Variants in DZIP3 observed in about 807,000 individuals in gnomAD.
DZIP3 encodes DAZ interacting zinc finger protein 3.
DZIP3 carries 118 observed loss-of-function variants against 162.0 expected under a neutral mutation model. The ratio of observed to expected loss-of-function variants is 0.73; its 90% CI spans 0.63 to 0.85. The LOEUF is 0.85. Among genes scored for constraint, DZIP3 ranks in the 40% least tolerant of loss-of-function variants. DZIP3 has a pLI of 0.00. For synonymous variants in DZIP3, 438 were observed against 458.6 expected (o/e 0.96, Z 0.57); for missense variants, 1,331 against 1,407.0 (o/e 0.95, Z 0.86).
chr3:108,677,425 A>G, intron 25 of DZIP3, 72 bp from the exon 26 acceptor site: 4 of 1,260,628 alleles, frequency 3.2e-6, no homozygotes, highest in South Asian at 1.2e-5. Context: ...TCAAAACTAC[A>G]TCAGATATTC....
intron 8 of DZIP3, among the ~76,000 whole-genome samples, chr3:108,631,841 T>G (rs1553705511): frequency 6.6e-6 from 1 of 151,832 alleles, no homozygotes; most frequent in Non-Finnish European, 1.5e-5. Context: ...TTTTCTGAAC[T>G]TGTGTTTTTT....
At chr3:108,594,152 A>G (rs936043170) in intron 1 of DZIP3, among the ~76,000 whole-genome samples, 1 of 152,038 alleles carries the variant, frequency 6.6e-6, no homozygotes, top group Non-Finnish European at 1.5e-5. Context: ...TTCTAATGTT[A>G]TCTATATTTT....
Position 108,606,213 on chromosome 3 carries a change from G to A in DZIP3, c.32+775G>A, listed in dbSNP as rs570942445. Among the ~76,000 whole-genome samples the A allele has an allele frequency of 2.0e-5, 3 of 152,280 alleles. No homozygotes were observed. The South Asian group carries it at 6.2e-4, about 32-fold the overall frequency. On this transcript the variant is annotated intron_variant, in intron 2 of 32. Coordinates refer to ENST00000361582, the MANE Select transcript of DZIP3 (RefSeq NM_014648.4). ...ATTTAAGCATGATGCAGAAGACCCTGCTGAGTGGTTCAGTGGGCCAAGGCC... is the reference window on the plus strand; with the variant it reads ...ATTTAAGCATGATGCAGAAGACCCTACTGAGTGGTTCAGTGGGCCAAGGCC...
chr3:108,607,862 C>T (rs1460298338), intron 2 of DZIP3, among the ~76,000 whole-genome samples: 1 of 152,120 alleles, frequency 6.6e-6, no homozygotes, highest in Non-Finnish European at 1.5e-5. Context: ...CAGTGTTTTT[C>T]ATAATTGGCT....
chr3:108,638,078 A>G (rs564681132), intron 12 of DZIP3, among the ~76,000 whole-genome samples: 33 of 152,244 alleles, frequency 2.2e-4, no homozygotes, highest in African/African-American at 7.0e-4. Flanking sequence ...TCTAGTAGGG[A>G]CATTGCATTG....
At position 108,675,837 on chromosome 3, in the gene DZIP3, T is replaced by A; in HGVS notation, c.2745T>A (p.Ile915=). The A allele has an allele frequency of 6.2e-7, 1 of 1,610,384 alleles. No homozygotes were observed. The highest frequency in any genetic ancestry group is 8.5e-7 in the Non-Finnish European group (1 of 1,178,040). ...LKAAVDSWNA[I]VADVRNKIAF... is the part of the protein sequence containing the mutation. ...CTGCGGTAGACAGTTGGAATGCCAT[T>A]GTGGCAGATGTTAGAAACAAGATTG... The change falls in exon 25 of 33, where the codon ATT becomes ATA. Residue 915 remains isoleucine, a synonymous_variant. Coordinates refer to ENST00000361582, the MANE Select transcript of DZIP3 (RefSeq NM_014648.4).
chr3:108,646,518 A>T, intron 14 of DZIP3, 99 bp from the exon 15 acceptor site: 1 of 833,634 alleles, frequency 1.2e-6, no homozygotes, highest in Non-Finnish European at 2.0e-6. Flanking sequence ...TTACAGAATA[A>T]ATTGGTGCAA....
At chr3:108,593,872 G>A (rs961948866) in intron 1 of DZIP3, among the ~76,000 whole-genome samples, 5 of 151,466 alleles carry the variant, frequency 3.3e-5, no homozygotes, top group South Asian at 2.1e-4. Context: ...ACCATGTTGC[G>A]CACGCTGGTC....
At chr3:108,682,189 G>A (rs565145882) in intron 26 of DZIP3, among the ~76,000 whole-genome samples, 4 of 151,022 alleles carry the variant, frequency 2.6e-5, no homozygotes, top group South Asian at 4.1e-4. Context: ...GTAAATTAGC[G>A]CAGCTATTAT....
intron 26 of DZIP3, among the ~76,000 whole-genome samples, chr3:108,681,953 A>G (rs1039958278): frequency 6.7e-6 from 1 of 150,332 alleles, no homozygotes; most frequent in African/African-American, 2.5e-5. Context: ...GGGGAGGGAT[A>G]GCATTAGGAG....
chr3:108,638,792 CT>C (rs1400177935), intron 12 of DZIP3, among the ~76,000 whole-genome samples: 3 of 152,196 alleles, frequency 2.0e-5, no homozygotes, highest in Non-Finnish European at 4.4e-5. Flanking sequence ...TAGGACTTTT[CT>C]AACAAAAATT....
intron 13 of DZIP3, among the ~76,000 whole-genome samples, chr3:108,643,960 TG>T (rs1386218406): frequency 6.6e-6 from 1 of 152,138 alleles, no homozygotes; most frequent in Non-Finnish European, 1.5e-5. Context: ...TACTTTTGCT[TG>T]GGAACATGTT....
intron 1 of DZIP3, among the ~76,000 whole-genome samples, chr3:108,593,337 A>G (rs1939529817): frequency 6.6e-6 from 1 of 152,140 alleles, no homozygotes; most frequent in Non-Finnish European, 1.5e-5. Context: ...AGGGGAAGTA[A>G]TTTGCCCAAG....
At chr3:108,594,422 C>G (rs963361458) in intron 1 of DZIP3, among the ~76,000 whole-genome samples, 1 of 120,076 alleles carries the variant, frequency 8.3e-6, no homozygotes, top group Non-Finnish European at 1.7e-5. Context: ...CCCCTCCCCC[C>G]TCCCTCCCTG....
At chr3:108,687,211 TATTAA>T (rs756809959) in intron 28 of DZIP3, among the ~76,000 whole-genome samples, 3 of 152,030 alleles carry the variant, frequency 2.0e-5, no homozygotes, top group Non-Finnish European at 2.9e-5. Context: ...CACACTTCAT[TATTAA>T]ATTATAATTT....
chr3:108,687,322 TA>T (rs1944534303), intron 28 of DZIP3, among the ~76,000 whole-genome samples: 1 of 152,136 alleles, frequency 6.6e-6, no homozygotes, highest in African/African-American at 2.4e-5. Context: ...GGTAGTTGCA[TA>T]AGGCTGATGA....
intron 19 of DZIP3, 107 bp from the exon 20 acceptor site, chr3:108,661,770 G>C (rs1017965016): frequency 9.0e-6 from 7 of 773,766 alleles, no homozygotes; most frequent in Non-Finnish European, 1.5e-5. Context: ...TGTTTGACTT[G>C]AGACAAAAAA....
At chr3:108,602,555 GAGTAAATTT>G (rs1330839781) in intron 1 of DZIP3, among the ~76,000 whole-genome samples, 1 of 152,180 alleles carries the variant, frequency 6.6e-6, no homozygotes. Flanking sequence ...CAGGAAGTCA[GAGTAAATTT>G]AGTTTACTGC....
At chr3:108,638,139 A>G (rs1211287000) in intron 12 of DZIP3, among the ~76,000 whole-genome samples, 2 of 152,196 alleles carry the variant, frequency 1.3e-5, no homozygotes, top group African/African-American at 4.8e-5. Context: ...CCAAATCTTT[A>G]TATCTAGCAC....
Sources: allele counts gnomAD v4.1 joint callset (sites outside exome capture counted in the v4.1 genomes callset), GRCh38; gene constraint gnomAD v4.1.1; transcripts MANE v1.5; gene names NCBI Gene and HGNC (gene_info 2026-07-23, HGNC 2026-07-21).